The following MYO7B variants were observed in gnomAD, a reference collection of about 807,000 sequenced individuals.
MYO7B encodes unconventional myosin-VIIb.
A neutral mutation model predicts 259.7 loss-of-function variants in MYO7B; 212 were observed. The ratio of observed to expected loss-of-function variants is 0.82; its 90% CI spans 0.73 to 0.91. MYO7B has a LOEUF of 0.91. MYO7B is among the 40% of genes least tolerant of loss of function. The pLI is 0.00. For missense variants in MYO7B, 2,732 were observed against 2,813.5 expected, an observed-to-expected ratio of 0.97 and a Z score of 0.66; for synonymous variants, 1,197 against 1,166.4, an observed-to-expected ratio of 1.03 and a Z score of -0.54.
chr2:127,571,442 G>GTTTTTTTGTTT (rs1553448474), intron 6 of MYO7B, among the ~76,000 whole-genome samples: 2 of 41,984 alleles, frequency 4.8e-5, no homozygotes, highest in East Asian at 1.5e-3. Context: ...TTACCAGTGA[G>GTTTTTTTGTTT]TTTTTTTTTT....
At chr2:127,635,312 G>T in intron 43 of MYO7B, 86 bp downstream of exon 43, 1 of 1,312,184 alleles carries the variant, frequency 7.6e-7, no homozygotes, top group South Asian at 1.3e-5. Flanking sequence ...AGCAGGCCAG[G>T]GCAGGGCCAG....
intron 1 of MYO7B, among the ~76,000 whole-genome samples, chr2:127,542,112 G>A (rs188268995): frequency 3.3e-5 from 5 of 152,356 alleles, no homozygotes; most frequent in Admixed American, 6.5e-5. Flanking sequence ...AGAACATCTC[G>A]CAGGGACATA....
intron 1 of MYO7B, among the ~76,000 whole-genome samples, chr2:127,551,023 T>A (rs1374809188): frequency 6.9e-6 from 1 of 145,982 alleles, no homozygotes; most frequent in East Asian, 2.0e-4. Flanking sequence ...GGGACCCTCA[T>A]AGGGTTTGTA....
At position 127,609,146 on chromosome 2, in the gene MYO7B, C is replaced by T. The variant is rs547240216; in HGVS notation, c.2814+268C>T. 1.3e-5 allele frequency among the ~76,000 whole-genome samples: 2 copies of T among 152,172 alleles called. No homozygotes were observed. The highest frequency in any genetic ancestry group is 1.5e-5 in the Non-Finnish European group (1 of 68,026). ...GCTCTCCATCACATGGCATTCCCCG[C>T]GTATATTTGACCCCACCCGGGCACC... On this transcript the variant is annotated intron_variant, in intron 22 of 47. Coordinates refer to ENST00000409816, the MANE Select transcript of MYO7B (RefSeq NM_001393586.1). This position sits in a 1 kb window ranked among gnomAD's most constrained non-coding sequence, Gnocchi z 6.9.
rs1214818466 is a variant in MYO7B, at chr2:127,628,060, C to G, written c.4461-312C>G. ...GGCTCAGAGTAAGCACATGGCAGAG[C>G]CGGCAGCTCATCTCAGCTCTGACCT... On this transcript the variant is annotated intron_variant, in intron 33 of 47. Transcript: ENST00000409816. This position sits in a 1 kb window ranked among gnomAD's most constrained non-coding sequence, Gnocchi z 4.8. The G allele has an allele frequency of 5.3e-6, 3 of 560,852 alleles. No individual in the cohort carries two copies. The East Asian group carries it at 1.3e-4, about 24-fold the overall frequency. The allele number at this position is 560,852 out of a possible 1,614,324, so 34.7% of individuals were successfully genotyped here.
chr2:127,608,808 TGGA>T lies in MYO7B; in HGVS notation c.2746_2748del (p.Glu916del). On this transcript the variant is annotated inframe_deletion, in exon 22 of 48. Coordinates refer to ENST00000409816, the MANE Select transcript of MYO7B (RefSeq NM_001393586.1). ...GACACCGTCACTGACACGGAGATGG[TGGA>T]GAAGGTGTTCGGCTTCCTCCCTGCC... The T allele has an allele frequency of 6.2e-7, 1 of 1,613,410 alleles. No individual in the cohort carries two copies. The highest frequency in any genetic ancestry group is 2.2e-5 in the East Asian group (1 of 44,848).
Position 127,576,431 on chromosome 2 carries a change from G to T in MYO7B, c.736-164G>T, listed in dbSNP as rs942185180. 6.6e-6 allele frequency among the ~76,000 whole-genome samples: 1 copy of T among 152,122 alleles called. No individual in the cohort carries two copies. Among genetic ancestry groups the T allele is most frequent in the Non-Finnish European group, 1.5e-5 (1 of 68,010 alleles). On this transcript the variant is annotated intron_variant, in intron 7 of 47. Transcript: ENST00000409816. This position sits in a 1 kb window ranked among gnomAD's most constrained non-coding sequence, Gnocchi z 4.9. ...GACAGCCGCGGAGGCCCGGGACAGG[G>T]ACAGCAACCAAGCCAGGCTGGCCCT...
chr2:127,629,961 C>T (rs1243804946), intron 35 of MYO7B, 135 bp downstream of exon 35: 2 of 935,896 alleles, frequency 2.1e-6, no homozygotes, highest in African/African-American at 1.7e-5. Flanking sequence ...ACCCGGGCAG[C>T]CCCCACCATT....
rs1175101016 is a variant in MYO7B, at chr2:127,584,510, T to C, written c.1554+178T>C. ...GACCCTCCTCTCCAAGGCCCACTTC[T>C]CTGACTGCTGGGGTCCTCAGACAGT... On this transcript the variant is annotated intron_variant, in intron 13 of 47. Coordinates refer to ENST00000409816, the MANE Select transcript of MYO7B (RefSeq NM_001393586.1). The surrounding 1 kb of genome is among the most constrained non-coding windows in gnomAD (Gnocchi z 5.8). Among the ~76,000 whole-genome samples, 2 of 152,178 alleles carry C rather than the reference T, an allele frequency of 1.3e-5. No individual in the cohort carries two copies. The highest frequency in any genetic ancestry group is 4.8e-5 in the African/African-American group (2 of 41,456).
At chr2:127,599,931 T>A (rs1573674969) in intron 19 of MYO7B, among the ~76,000 whole-genome samples, 3 of 152,364 alleles carry the variant, frequency 2.0e-5, no homozygotes, top group Admixed American at 2.0e-4. Flanking sequence ...CATTAAGGAT[T>A]TTTGCGTCTA....
intron 18 of MYO7B, among the ~76,000 whole-genome samples, chr2:127,594,997 C>CAGGG (rs1198465393): frequency 6.6e-6 from 1 of 152,114 alleles, no homozygotes; most frequent in Non-Finnish European, 1.5e-5. Flanking sequence ...TAGAATGAGT[C>CAGGG]AGGGAGGAGT....
Position 127,636,105 on chromosome 2 carries a change from C to T in MYO7B, c.6007-103C>T, listed in dbSNP as rs1681787277. On this transcript the variant is annotated intron_variant, in intron 44 of 47. Transcript: ENST00000409816. This position sits in a 1 kb window ranked among gnomAD's most constrained non-coding sequence, Gnocchi z 4.5. ...TGTCCCATGCTGCATTCCTCCCCTC[C>T]CCTCCCCACCGTACTAGCCCTGGGG... The T allele has an allele frequency of 1.8e-6, 2 of 1,129,928 alleles. No homozygotes were observed. Among genetic ancestry groups the T allele is most frequent in the Non-Finnish European group, 2.6e-6 (2 of 777,054 alleles). 70.0% of individuals were successfully genotyped at this position (1,129,928 alleles called of 1,614,324 possible). A position where few individuals can be genotyped will look rare whatever the true frequency, so the allele number is the denominator to read the frequency against.
At position 127,627,477 on chromosome 2, in the gene MYO7B, C is replaced by T. The variant is rs757645588; in HGVS notation, c.4460+167C>T. The T allele has an allele frequency of 2.8e-5, 26 of 921,778 alleles. No individual in the cohort carries two copies. Among genetic ancestry groups the T allele is most frequent in the Non-Finnish European group, 3.9e-5 (23 of 590,600 alleles). 57.1% of individuals were successfully genotyped at this position (921,778 alleles called of 1,614,324 possible). ...TGGCTTCTGTACTTCGGAGCCCCAC[C>T]CTCCTGCACCAGGCCGTACTGCCCA... On this transcript the variant is annotated intron_variant, in intron 33 of 47. Coordinates refer to ENST00000409816, the MANE Select transcript of MYO7B (RefSeq NM_001393586.1). The surrounding 1 kb of genome is among the most constrained non-coding windows in gnomAD (Gnocchi z 5.6).
In MYO7B at chr2:127,622,722, AG is replaced by A. The variant is rs369666834; in HGVS notation, c.3646-476del. Among the ~76,000 whole-genome samples, 20 of 152,286 alleles carry A rather than the reference AG, an allele frequency of 1.3e-4. No homozygotes were observed. In the East Asian group the frequency reaches 3.7e-3, roughly 28 times the overall value. ...GTTCTCACCCTGCCCCCGAGCCCAC[AG>A]GGGCTCCCTCCCACGAGCCCTGGAA... On this transcript the variant is annotated intron_variant, in intron 28 of 47. Transcript: ENST00000409816.
chr2:127,568,190 C>T (rs904457635), intron 5 of MYO7B, among the ~76,000 whole-genome samples: 1 of 152,178 alleles, frequency 6.6e-6, no homozygotes, highest in Non-Finnish European at 1.5e-5. Context: ...AGCTGGAACT[C>T]CCAACCTGCC....
intron 10 of MYO7B, 143 bp from the exon 11 acceptor site, chr2:127,581,747 TG>T: frequency 9.1e-7 from 1 of 1,093,438 alleles, no homozygotes; most frequent in Non-Finnish European, 1.3e-6. Context: ...CCCAGGGCCC[TG>T]GCCCTGGCCT....
intron 1 of MYO7B, among the ~76,000 whole-genome samples, chr2:127,543,870 A>G (rs371047991): frequency 2.0e-5 from 3 of 151,778 alleles, no homozygotes; most frequent in South Asian, 4.2e-4. Context: ...TCAGCCTCCC[A>G]AATAGCTGGG....
Position 127,571,606 on chromosome 2 carries a change from G to A in MYO7B, c.592+1696G>A, listed in dbSNP as rs184832074. On this transcript the variant is annotated intron_variant, in intron 6 of 47. Transcript: ENST00000409816. ...AGCGATTCTCCTGCCTCAGCCTCCC[G>A]AGTAGCTGGAATTATAGGCATGCAC... Among the ~76,000 whole-genome samples the A allele has an allele frequency of 5.3e-3, 798 of 151,494 alleles. 28 individuals are homozygous for A. The highest frequency in any genetic ancestry group is 0.048 in the Admixed American group (732 of 15,200).
intron 37 of MYO7B, 77 bp from the exon 38 acceptor site, chr2:127,631,523 G>A (rs959296503): frequency 3.2e-5 from 49 of 1,551,886 alleles, no homozygotes; most frequent in Admixed American, 2.5e-4. Flanking sequence ...CCGCAGGGCC[G>A]GGGTCGGGGT....
Sources: allele counts gnomAD v4.1 joint callset (sites outside exome capture counted in the v4.1 genomes callset), GRCh38; gene constraint gnomAD v4.1.1; non-coding constraint Gnocchi (gnomAD v3.1); transcripts MANE v1.5; gene names NCBI Gene and HGNC (gene_info 2026-07-23, HGNC 2026-07-21).